Variants in ANKS1B observed in about 807,000 individuals in gnomAD.
The protein encoded by ANKS1B is ankyrin repeat and sterile alpha motif domain-containing protein 1B.
In ANKS1B, 36 loss-of-function variants were observed where a neutral mutation model predicts 148.3. The ratio of observed to expected loss-of-function variants is 0.24; its 90% CI spans 0.19 to 0.32. ANKS1B has a LOEUF of 0.32. Among genes scored for constraint, ANKS1B ranks in the 10% least tolerant of loss-of-function variants. The pLI, the probability that ANKS1B is intolerant of heterozygous loss-of-function variation, is 1.00. For missense variants in ANKS1B, 1,157 were observed against 1,542.6 expected (o/e 0.75, Z 4.19); for synonymous variants, 542 against 560.8 (o/e 0.97, Z 0.47).
chr12:99,257,122 T>C (rs1425548594), intron 12 of ANKS1B, among the ~76,000 whole-genome samples: 1 of 151,912 alleles, frequency 6.6e-6, no homozygotes, highest in Non-Finnish European at 1.5e-5. Context: ...CGGGCGCCTG[T>C]AGTCCCAGCT....
intron 8 of ANKS1B, among the ~76,000 whole-genome samples, chr12:99,764,004 A>C (rs1235602561): frequency 8.5e-5 from 13 of 152,196 alleles, no homozygotes; most frequent in Admixed American, 8.5e-4. Context: ...CGAGGTATTC[A>C]TTATTTGAAA....
intron 8 of ANKS1B, among the ~76,000 whole-genome samples, chr12:99,686,617 C>T (rs1259750331): frequency 1.3e-5 from 2 of 152,114 alleles, no homozygotes; most frequent in Non-Finnish European, 2.9e-5. Context: ...AGATATCACT[C>T]ACATGTAAGA....
intron 12 of ANKS1B, among the ~76,000 whole-genome samples, chr12:99,342,607 T>C (rs894184249): frequency 3.3e-5 from 5 of 152,048 alleles, no homozygotes; most frequent in Admixed American, 2.0e-4. Flanking sequence ...TATCTTTGTA[T>C]ATTTAGAAAA....
intron 9 of ANKS1B, among the ~76,000 whole-genome samples, chr12:99,570,464 G>A (rs988414638): frequency 1.8e-4 from 27 of 152,094 alleles, no homozygotes; most frequent in African/African-American, 6.3e-4. Context: ...TGGTTAACAC[G>A]GTGAAACCCC....
intron 1 of ANKS1B, among the ~76,000 whole-genome samples, chr12:99,950,240 G>C (rs772156864): frequency 2.0e-5 from 3 of 149,982 alleles, no homozygotes; most frequent in African/African-American, 7.4e-5. Flanking sequence ...GATTACAGGC[G>C]TAAGCCACTT....
At chr12:99,936,133 G>A (rs2094762189) in intron 1 of ANKS1B, among the ~76,000 whole-genome samples, 1 of 152,088 alleles carries the variant, frequency 6.6e-6, no homozygotes, top group African/African-American at 2.4e-5. Flanking sequence ...TCCTGCCCTG[G>A]ATGTATGGGG....
chr12:99,274,012 T>TA (rs1191015722), intron 12 of ANKS1B, among the ~76,000 whole-genome samples: 1 of 152,180 alleles, frequency 6.6e-6, no homozygotes, highest in South Asian at 2.1e-4. Flanking sequence ...GCAATGCCCT[T>TA]AGATTCTCAG....
chr12:99,143,725 T>C (rs1458977009), intron 15 of ANKS1B, among the ~76,000 whole-genome samples: 1 of 152,124 alleles, frequency 6.6e-6, no homozygotes, highest in African/African-American at 2.4e-5. Context: ...ACCCTGTGTA[T>C]GGTGAGAAAG....
In ANKS1B at chr12:99,390,871, A is replaced by C. The variant is rs537637445; in HGVS notation, c.1756+8760T>G. On this transcript the variant is annotated intron_variant, in intron 12 of 26. Transcript: ENST00000683438. The stretch of plus-strand genomic sequence containing the variant: ...TGGCAAGGGGAGAGGTGACCGCTGC[A>C]GAGGCTAGGAAAGACAGATGGCCGA... Among the ~76,000 whole-genome samples, 206 of 152,362 alleles carry C rather than the reference A, an allele frequency of 1.4e-3. 1 individual carries two copies. Among genetic ancestry groups the C allele is most frequent in the Non-Finnish European group, 2.2e-3 (150 of 68,026 alleles).
At chr12:99,410,117 T>C (rs1177182626) in intron 11 of ANKS1B, among the ~76,000 whole-genome samples, 1 of 152,232 alleles carries the variant, frequency 6.6e-6, no homozygotes, top group Non-Finnish European at 1.5e-5. Context: ...GGTTTTCACA[T>C]TTTTTATCGT....
rs890652857 is a variant in ANKS1B, at chr12:98,815,409, A to T, written c.3067-7491T>A. On this transcript the variant is annotated intron_variant, in intron 19 of 26. Coordinates refer to ENST00000683438, the MANE Select transcript of ANKS1B (RefSeq NM_001352186.2). The stretch of plus-strand genomic sequence containing the variant: ...TTAGCCTCTTTGGCTGCTTCCTGTT[A>T]TCTGAGCATCCCTGGAGTGTTAGTC... Among the ~76,000 whole-genome samples the T allele has an allele frequency of 8.5e-5, 13 of 152,110 alleles. 1 individual carries two copies. In the East Asian group the frequency reaches 1.9e-3, roughly 23 times the overall value.
chr12:98,940,386 G>T (rs115782310), intron 17 of ANKS1B, among the ~76,000 whole-genome samples: 1 of 152,202 alleles, frequency 6.6e-6, no homozygotes, highest in Non-Finnish European at 1.5e-5. Flanking sequence ...CAGAGGGAGA[G>T]AGGAAGAGAG....
chr12:99,414,094 C>G (rs899252180), intron 11 of ANKS1B, among the ~76,000 whole-genome samples: 3 of 152,078 alleles, frequency 2.0e-5, no homozygotes, highest in Admixed American at 6.5e-5. Flanking sequence ...CACCCCTACT[C>G]CACCATCAAT....
intron 20 of ANKS1B, among the ~76,000 whole-genome samples, chr12:98,802,466 G>A (rs771113642): frequency 2.0e-5 from 3 of 152,052 alleles, no homozygotes; most frequent in Non-Finnish European, 4.4e-5. Context: ...CGTACATAGG[G>A]TGCATATTTT....
chr12:99,349,502 G>C (rs2152378612), intron 12 of ANKS1B, among the ~76,000 whole-genome samples: 1 of 151,926 alleles, frequency 6.6e-6, no homozygotes, highest in South Asian at 2.1e-4. Context: ...TTCATGCAAA[G>C]AGTAAAAAAA....
chr12:98,985,713 C>A (rs940086675), intron 17 of ANKS1B, among the ~76,000 whole-genome samples: 5 of 152,082 alleles, frequency 3.3e-5, no homozygotes, highest in Admixed American at 1.3e-4. Flanking sequence ...ATGTTGTAAA[C>A]CTCTCAACAA....
At chr12:98,887,639 A>T (rs913781998) in intron 17 of ANKS1B, among the ~76,000 whole-genome samples, 2 of 151,388 alleles carry the variant, frequency 1.3e-5, no homozygotes, top group African/African-American at 2.4e-5. Flanking sequence ...AGACAGTCTC[A>T]CTCTGTCTCC....
rs985592501 is a variant in ANKS1B at position 99,024,518 on chromosome 12, G to A, written c.2778+28639C>T. 5.3e-5 allele frequency among the ~76,000 whole-genome samples: 8 copies of A among 152,058 alleles called. 1 individual carries two copies. Among genetic ancestry groups the A allele is most frequent in the African/African-American group, 1.9e-4 (8 of 41,424 alleles). ...GAATTTCTCTGGGATGTATTCCTAG[G>A]AATTAGATTGATTGGTCATTGGATA... On this transcript the variant is annotated intron_variant, in intron 17 of 26. Coordinates refer to ENST00000683438, the MANE Select transcript of ANKS1B (RefSeq NM_001352186.2).
At chr12:98,827,236 C>T (rs541674029) in intron 19 of ANKS1B, among the ~76,000 whole-genome samples, 91 of 152,188 alleles carry the variant, frequency 6.0e-4, no homozygotes, top group African/African-American at 2.1e-3. Context: ...GTGTCATCTC[C>T]TATTTTCTCT....
Sources: gnomAD v4.1 joint callset for allele counts (sites outside exome capture counted in the v4.1 genomes callset) on GRCh38, gnomAD v4.1.1 for gene constraint, MANE v1.5 for transcripts, NCBI Gene and HGNC (gene_info 2026-07-23, HGNC 2026-07-21) for gene names.